FERRY3: variants seen among roughly 807,000 people sequenced by gnomAD.
FERRY3 encodes FERRY endosomal RAB5 effector complex subunit 3, also known as protein C12orf4.
At chr12:4,500,947 A>C in the FERRY3 span, among the ~76,000 whole-genome samples, 1 of 152,192 alleles carries the variant, frequency 6.6e-6, no homozygotes, top group African/African-American at 2.4e-5. Flanking sequence ...CACCGTGCCC[A>C]GCCTAAAATG....
chr12:4,518,356 AC>A, the FERRY3 span: 1 of 1,048,830 alleles, frequency 9.5e-7, no homozygotes, highest in Admixed American at 2.5e-5. Flanking sequence ...ATAAATCTGT[AC>A]CACAAAATAA....
chr12:4,525,403 A>T, the FERRY3 span: 1 of 1,602,774 alleles, frequency 6.2e-7, no homozygotes, highest in Non-Finnish European at 8.5e-7. Context: ...CCAACTGGTT[A>T]ATTTTTTTAA....
chr12:4,533,442 A>T, the FERRY3 span, among the ~76,000 whole-genome samples: 1 of 152,166 alleles, frequency 6.6e-6, no homozygotes, highest in Admixed American at 6.5e-5. Flanking sequence ...CACCACCACC[A>T]ACTTACCGAA....
At chr12:4,536,658 G>T in the FERRY3 span, among the ~76,000 whole-genome samples, 1 of 152,114 alleles carries the variant, frequency 6.6e-6, no homozygotes. Flanking sequence ...CATGAGATCC[G>T]ACTGGGGGAA....
At chr12:4,515,948 T>C in the FERRY3 span, among the ~76,000 whole-genome samples, 1 of 152,118 alleles carries the variant, frequency 6.6e-6, no homozygotes, top group Non-Finnish European at 1.5e-5. Context: ...ATCAAATACA[T>C]CTCAATAAAT....
At chr12:4,501,436 G>C in the FERRY3 span, among the ~76,000 whole-genome samples, 1 of 152,164 alleles carries the variant, frequency 6.6e-6, no homozygotes, top group African/African-American at 2.4e-5. Flanking sequence ...CTGCATAGTG[G>C]GAGGTGAGCA....
At chr12:4,528,900 CACA>C in the FERRY3 span, among the ~76,000 whole-genome samples, 593 of 91,938 alleles carry the variant, frequency 6.5e-3, 3 homozygotes, top group African/African-American at 0.019. Context: ...ATCAGTTACA[CACA>C]CACACACACA....
chr12:4,522,359 T>C, the FERRY3 span, among the ~76,000 whole-genome samples: 1 of 152,182 alleles, frequency 6.6e-6, no homozygotes, highest in Non-Finnish European at 1.5e-5. Context: ...ATGATGGACT[T>C]GTATCCAGAA....
At chr12:4,514,114 C>T in the FERRY3 span, among the ~76,000 whole-genome samples, 4 of 151,684 alleles carry the variant, frequency 2.6e-5, no homozygotes, top group African/African-American at 9.7e-5. Context: ...CAAAAGAAGA[C>T]ATTTATGCAG....
chr12:4,505,990 C>CT, the FERRY3 span, among the ~76,000 whole-genome samples: 66 of 151,858 alleles, frequency 4.3e-4, no homozygotes, highest in Non-Finnish European at 8.2e-4. Context: ...AATGAAACAG[C>CT]TTTTTTTTCA....
At chr12:4,512,123 TA>T in the FERRY3 span, among the ~76,000 whole-genome samples, 6 of 128,124 alleles carry the variant, frequency 4.7e-5, no homozygotes, top group Non-Finnish European at 8.1e-5. Context: ...TCTACGCAAA[TA>T]AACTAGAAAA....
At chr12:4,490,524 G>A in the FERRY3 span, 5 of 1,599,608 alleles carry the variant, frequency 3.1e-6, no homozygotes, top group Non-Finnish European at 4.3e-6. Flanking sequence ...TAACATACCT[G>A]TGGTACTAGA....
chr12:4,521,336 C>G, the FERRY3 span, among the ~76,000 whole-genome samples: 1 of 151,910 alleles, frequency 6.6e-6, no homozygotes, highest in African/African-American at 2.4e-5. Flanking sequence ...GCATTGTACT[C>G]CAGCCTGGGA....
the FERRY3 span, among the ~76,000 whole-genome samples, chr12:4,507,735 C>A: frequency 0.81 from 122,719 of 152,176 alleles, 51,017 homozygotes; most frequent in East Asian, 0.98. Context: ...TGAGGATGGT[C>A]TTTATGGACT....
chr12:4,499,021 C>A, the FERRY3 span, among the ~76,000 whole-genome samples: 2 of 152,074 alleles, frequency 1.3e-5, no homozygotes, highest in South Asian at 4.1e-4. Flanking sequence ...TAAAATGAGG[C>A]CCCTGTAATA....
At chr12:4,510,237 A>G in the FERRY3 span, among the ~76,000 whole-genome samples, 2 of 148,694 alleles carry the variant, frequency 1.3e-5, no homozygotes, top group South Asian at 4.2e-4. Context: ...AAGAAATATG[A>G]GACTATGTGA....
the FERRY3 span, among the ~76,000 whole-genome samples, chr12:4,498,035 T>C: frequency 5.8e-4 from 88 of 152,340 alleles, no homozygotes; most frequent in Admixed American, 9.1e-4. Context: ...GGGAGAATCA[T>C]AGCTCAATAT....
At chr12:4,490,483 A>T in the FERRY3 span, 43 of 1,468,204 alleles carry the variant, frequency 2.9e-5, no homozygotes, top group Non-Finnish European at 4.0e-5. Context: ...ATCTAATAAA[A>T]GAGATTAAAT....
the FERRY3 span, chr12:4,490,412 A>G: frequency 1.3e-6 from 1 of 769,074 alleles, no homozygotes; most frequent in Non-Finnish European, 2.0e-6. Flanking sequence ...ACAGAAAGCG[A>G]TTAGCCTTTT....
Sources: gnomAD v4.1 joint callset for allele counts (sites outside exome capture counted in the v4.1 genomes callset) on GRCh38, gnomAD v4.1.1 for gene constraint, MANE v1.5 for transcripts, NCBI Gene and HGNC (gene_info 2026-07-23, HGNC 2026-07-21) for gene names.